Variants in SLC9C2 observed in about 807,000 individuals in gnomAD.
SLC9C2 encodes the protein sodium/hydrogen exchanger 11.
A neutral mutation model predicts 140.2 loss-of-function variants in SLC9C2; 75 were observed. The ratio of observed to expected loss-of-function variants is 0.53; its 90% CI spans 0.44 to 0.65. The LOEUF (loss-of-function observed/expected upper bound fraction) is 0.65. Among genes scored for constraint, SLC9C2 ranks in the 30% least tolerant of loss-of-function variants. SLC9C2 has a pLI of 0.00. For synonymous variants in SLC9C2, 375 were observed against 420.9 expected (o/e 0.89, Z 1.34); for missense variants, 1,074 against 1,331.8 (o/e 0.81, Z 3.01).
chr1:173,519,139 T>C (rs1192417377), intron 22 of SLC9C2, among the ~76,000 whole-genome samples: 1 of 152,050 alleles, frequency 6.6e-6, no homozygotes, highest in Non-Finnish European at 1.5e-5. Flanking sequence ...TGTAATCACA[T>C]GAGCCCTCGC....
intron 9 of SLC9C2, among the ~76,000 whole-genome samples, chr1:173,562,473 C>A (rs1429144027): frequency 6.6e-6 from 1 of 152,118 alleles, no homozygotes; most frequent in Non-Finnish European, 1.5e-5. Flanking sequence ...GAACAATTTT[C>A]TATTAATCTT....
chr1:173,504,177 A>G (rs1659471859), intron 26 of SLC9C2, among the ~76,000 whole-genome samples: 2 of 152,214 alleles, frequency 1.3e-5, no homozygotes, highest in Admixed American at 1.3e-4. Flanking sequence ...AAGGTGACCC[A>G]GGAGCAGAGG....
intron 9 of SLC9C2, among the ~76,000 whole-genome samples, chr1:173,560,545 G>T (rs1466621967): frequency 6.6e-6 from 1 of 152,184 alleles, no homozygotes; most frequent in African/African-American, 2.4e-5. Flanking sequence ...AAGCTCAGGG[G>T]AGCCTTGGAT....
chr1:173,512,175 C>T (rs927714305), intron 23 of SLC9C2, among the ~76,000 whole-genome samples: 6 of 152,208 alleles, frequency 3.9e-5, no homozygotes, highest in African/African-American at 1.4e-4. Flanking sequence ...ATAGTTTTTT[C>T]TAATTCTGTG....
At chr1:173,510,608 A>T (rs1407748429) in intron 23 of SLC9C2, among the ~76,000 whole-genome samples, 1 of 152,040 alleles carries the variant, frequency 6.6e-6, no homozygotes, top group Non-Finnish European at 1.5e-5. Context: ...TTCCTGTGTA[A>T]GTTTGCTGAG....
chr1:173,601,143 C>A (rs983467289), intron 2 of SLC9C2, among the ~76,000 whole-genome samples: 1 of 152,134 alleles, frequency 6.6e-6, no homozygotes, highest in Non-Finnish European at 1.5e-5. Flanking sequence ...AGAGAGATTA[C>A]ACCAAAAGCC....
chr1:173,567,952 AC>A (rs1664589640), intron 9 of SLC9C2, among the ~76,000 whole-genome samples: 4 of 152,098 alleles, frequency 2.6e-5, no homozygotes, highest in African/African-American at 9.7e-5. Flanking sequence ...CTGATAAAAA[AC>A]GATACACTTT....
intron 11 of SLC9C2, among the ~76,000 whole-genome samples, chr1:173,550,210 AG>A (rs1355867984): frequency 1.3e-5 from 2 of 152,046 alleles, no homozygotes; most frequent in Admixed American, 1.3e-4. Context: ...AAGACCAACC[AG>A]GGCAATATAG....
chr1:173,514,027 T>TGCAATCAAA (rs1206952408), intron 23 of SLC9C2, among the ~76,000 whole-genome samples: 1 of 152,216 alleles, frequency 6.6e-6, no homozygotes, highest in Admixed American at 6.5e-5. Flanking sequence ...TGAGAGACAG[T>TGCAATCAAA]TTGTTATGAT....
intron 13 of SLC9C2, among the ~76,000 whole-genome samples, chr1:173,538,855 C>T (rs891368874): frequency 2.6e-5 from 4 of 152,102 alleles, no homozygotes; most frequent in Non-Finnish European, 4.4e-5. Context: ...TTTAAAATAC[C>T]TTGTATATTG....
intron 22 of SLC9C2, among the ~76,000 whole-genome samples, chr1:173,518,054 T>A (rs1345605545): frequency 6.6e-6 from 1 of 152,056 alleles, no homozygotes; most frequent in Non-Finnish European, 1.5e-5. Context: ...AGATCAAGAG[T>A]TCGGGACCAG....
chr1:173,542,542 CAG>C lies in SLC9C2; in HGVS notation c.1557+5145_1557+5146del, dbSNP rs1228044032. On this transcript the variant is annotated intron_variant, in intron 13 of 27. Coordinates refer to ENST00000367714, the MANE Select transcript of SLC9C2 (RefSeq NM_178527.4). ...GTGTCATCCTGATACCAAAGCCTGG[CAG>C]AGACACAACAAAAAAAGAGAATTTT... Among the ~76,000 whole-genome samples, 5 of 152,178 alleles carry C rather than the reference CAG, an allele frequency of 3.3e-5. No individual in the cohort carries two copies. The South Asian group carries it at 8.3e-4, about 25-fold the overall frequency.
intron 24 of SLC9C2, among the ~76,000 whole-genome samples, chr1:173,507,317 A>T (rs1340336421): frequency 6.7e-6 from 1 of 149,734 alleles, no homozygotes; most frequent in Non-Finnish European, 1.5e-5. Context: ...GACTCAGGAG[A>T]TTTCTATTTG....
At position 173,530,073 on chromosome 1, in the gene SLC9C2, G is replaced by A. The variant is rs1553250232; in HGVS notation, c.2164-19C>T. The A allele has an allele frequency of 7.8e-6, 12 of 1,546,060 alleles. No individual in the cohort carries two copies. Among genetic ancestry groups the A allele is most frequent in the Admixed American group, 6.6e-5 (3 of 45,278 alleles). ...CTATTATCTGGAATAATGAGAAGAA[G>A]AAAAAAAAACCTGTACATTTGATGA... On this transcript the variant is annotated intron_variant, in intron 17 of 27. Coordinates refer to ENST00000367714, the MANE Select transcript of SLC9C2 (RefSeq NM_178527.4).
intron 23 of SLC9C2, among the ~76,000 whole-genome samples, chr1:173,511,533 T>A (rs1660056814): frequency 6.6e-6 from 1 of 152,202 alleles, no homozygotes; most frequent in African/African-American, 2.4e-5. Flanking sequence ...TTTGTTTAAG[T>A]TCCTTGTAGA....
At chr1:173,541,761 T>A (rs1459287247) in intron 13 of SLC9C2, among the ~76,000 whole-genome samples, 5 of 152,238 alleles carry the variant, frequency 3.3e-5, no homozygotes, top group Non-Finnish European at 7.3e-5. Flanking sequence ...GAATGACTAC[T>A]GGTTAAATAA....
At chr1:173,571,544 C>A (rs1664843911) in intron 9 of SLC9C2, 1 of 152,210 alleles carries the variant, frequency 6.6e-6, no homozygotes, top group Non-Finnish European at 1.5e-5. Flanking sequence ...CTAGTGCTGG[C>A]ACATCCAACT....
chr1:173,526,832 TAGTTCTG>T, intron 18 of SLC9C2, 118 bp from the exon 19 acceptor site: 1 of 715,640 alleles, frequency 1.4e-6, no homozygotes, highest in Non-Finnish European at 2.3e-6. Flanking sequence ...ATACCAAGTA[TAGTTCTG>T]GCTTTCCTTT....
Position 173,536,925 on chromosome 1 carries a change from A to G in SLC9C2, c.1655+17T>C, listed in dbSNP as rs1662004425. 1 of 1,564,860 alleles carries G rather than the reference A, an allele frequency of 6.4e-7. No individual in the cohort carries two copies. Among genetic ancestry groups the G allele is most frequent in the Non-Finnish European group, 8.8e-7 (1 of 1,138,532 alleles). ...ATTCAATTTTGGAAATATCAATTAA[A>G]GAAGTGTTATACTTACTTTCCTTGG... On this transcript the variant is annotated intron_variant, in intron 14 of 27. Coordinates refer to ENST00000367714, the MANE Select transcript of SLC9C2 (RefSeq NM_178527.4).
Sources: allele counts gnomAD v4.1 joint callset (sites outside exome capture counted in the v4.1 genomes callset), GRCh38; gene constraint gnomAD v4.1.1; transcripts MANE v1.5; gene names NCBI Gene and HGNC (gene_info 2026-07-23, HGNC 2026-07-21).